The following ATP10B variants were observed in gnomAD, a reference collection of about 807,000 sequenced individuals.
ATP10B encodes phospholipid-transporting ATPase VB.
Under a neutral mutation model 141.2 loss-of-function variants are expected in ATP10B, and 122 were observed. The ratio of observed to expected loss-of-function variants is 0.86; its 90% CI spans 0.75 to 1.00. The LOEUF (loss-of-function observed/expected upper bound fraction) is 1.00. Among genes scored for constraint, ATP10B ranks in the 50% least tolerant of loss-of-function variants. The pLI, the probability that ATP10B is intolerant of heterozygous loss-of-function variation, is 0.00. For synonymous variants in ATP10B, 685 were observed against 692.0 expected (o/e 0.99, Z 0.16); for missense variants, 1,876 against 1,825.3 (o/e 1.03, Z -0.51).
At chr5:160,725,507 G>A (rs1766278262) in intron 2 of ATP10B, among the ~76,000 whole-genome samples, 2 of 151,566 alleles carry the variant, frequency 1.3e-5, no homozygotes, top group African/African-American at 2.4e-5. Flanking sequence ...GTGCAGTGGT[G>A]CGATCTCGGC....
At chr5:160,592,110 G>T (rs1441160957) in intron 22 of ATP10B, among the ~76,000 whole-genome samples, 1 of 152,084 alleles carries the variant, frequency 6.6e-6, no homozygotes, top group Non-Finnish European at 1.5e-5. Context: ...TGGCCTCTCT[G>T]GGCCTCCTAG....
chr5:160,643,600 T>C lies in ATP10B; in HGVS notation c.868+538A>G, dbSNP rs1291070971. Among the ~76,000 whole-genome samples the C allele has an allele frequency of 5.3e-5, 8 of 152,182 alleles. No individual in the cohort carries two copies. In the East Asian group the frequency reaches 7.7e-4, roughly 15 times the overall value. The stretch of plus-strand genomic sequence containing the variant: ...TGGGAAGGAGAGATAGGCCTCCATA[T>C]ATGGAGCCATAAAATAAATAAAGGT... On this transcript the variant is annotated intron_variant, in intron 9 of 25. Coordinates refer to ENST00000327245, the MANE Select transcript of ATP10B (RefSeq NM_025153.3).
intron 25 of ATP10B, among the ~76,000 whole-genome samples, chr5:160,566,593 T>C (rs1262336376): frequency 6.6e-6 from 1 of 152,048 alleles, no homozygotes; most frequent in Admixed American, 6.6e-5. Flanking sequence ...TTTATCCCCC[T>C]GCCAAGCTGC....
intron 1 of ATP10B, among the ~76,000 whole-genome samples, chr5:160,851,628 C>G (rs1004226469): frequency 6.6e-6 from 1 of 151,940 alleles, no homozygotes; most frequent in African/African-American, 2.4e-5. Context: ...TCAGGCTGCA[C>G]TGGATGAATG....
intron 7 of ATP10B, among the ~76,000 whole-genome samples, chr5:160,657,487 C>T (rs1362326415): frequency 1.3e-5 from 2 of 152,146 alleles, no homozygotes; most frequent in African/African-American, 4.8e-5. Flanking sequence ...AGTGATTCTC[C>T]CACAAAAGCA....
At chr5:160,616,833 A>G (rs1007061479) in intron 16 of ATP10B, among the ~76,000 whole-genome samples, 5 of 152,218 alleles carry the variant, frequency 3.3e-5, no homozygotes, top group Non-Finnish European at 1.5e-5. Context: ...ACTTTAATAG[A>G]AAATGGTGGT....
chr5:160,846,343 A>T (rs1472732878), intron 1 of ATP10B, among the ~76,000 whole-genome samples: 1 of 152,192 alleles, frequency 6.6e-6, no homozygotes, highest in African/African-American at 2.4e-5. Context: ...TATACTAGTC[A>T]TTCATAACAG....
the ATP10B span, among the ~76,000 whole-genome samples, chr5:160,913,371 C>T: frequency 6.6e-6 from 1 of 152,084 alleles, no homozygotes; most frequent in Admixed American, 6.5e-5. Flanking sequence ...TTATTTCCTT[C>T]CCTCCTTCAG....
the ATP10B span, among the ~76,000 whole-genome samples, chr5:160,881,274 C>A: frequency 6.6e-6 from 1 of 152,070 alleles, no homozygotes; most frequent in African/African-American, 2.4e-5. Flanking sequence ...TTATCAAAAT[C>A]CATTGAATGA....
intron 13 of ATP10B, among the ~76,000 whole-genome samples, chr5:160,622,854 C>A (rs779315722): frequency 3.3e-5 from 5 of 152,214 alleles, no homozygotes; most frequent in African/African-American, 4.8e-5. Flanking sequence ...TGCTGAGACC[C>A]TCTACCCCTC....
chr5:160,729,364 T>C (rs1766584065), intron 2 of ATP10B, among the ~76,000 whole-genome samples: 1 of 152,220 alleles, frequency 6.6e-6, no homozygotes, highest in South Asian at 2.1e-4. Context: ...TCTGCCTTTC[T>C]TTCTTTTCTC....
the ATP10B span, among the ~76,000 whole-genome samples, chr5:160,890,554 T>C: frequency 8.7e-6 from 1 of 115,224 alleles, no homozygotes; most frequent in African/African-American, 2.8e-5. Context: ...GCTCTTTGTG[T>C]CTGGCTTTCA....
At chr5:160,657,227 C>T (rs559965828) in intron 7 of ATP10B, among the ~76,000 whole-genome samples, 13 of 152,208 alleles carry the variant, frequency 8.5e-5, no homozygotes, top group African/African-American at 2.4e-4. Context: ...ATGTTCTTCA[C>T]GCCCCAGCTG....
At chr5:160,851,463 T>C (rs1753810418) in intron 1 of ATP10B, among the ~76,000 whole-genome samples, 1 of 152,164 alleles carries the variant, frequency 6.6e-6, no homozygotes. Flanking sequence ...CAAAGGAAAG[T>C]CAAGCTTCCC....
At chr5:160,572,274 C>T (rs1561614246) in intron 24 of ATP10B, among the ~76,000 whole-genome samples, 1 of 151,870 alleles carries the variant, frequency 6.6e-6, no homozygotes, top group Non-Finnish European at 1.5e-5. Context: ...GCGCCGTTTC[C>T]TGAAGAAGAA....
In ATP10B at chr5:160,570,218, G is replaced by A. The variant is rs182093634; in HGVS notation, c.3751-535C>T. 5.1e-3 allele frequency among the ~76,000 whole-genome samples: 775 copies of A among 151,092 alleles called. 11 individuals carry two copies. The highest frequency in any genetic ancestry group is 0.018 in the African/African-American group (731 of 41,098). On this transcript the variant is annotated intron_variant, in intron 24 of 25. Transcript: ENST00000327245. Reference sequence around the variant, plus strand: ...TTGATACTAGATGTATATATTTTCAGGGTACATGTAATAATTTGGTATATT... The same window carrying A: ...TTGATACTAGATGTATATATTTTCAAGGTACATGTAATAATTTGGTATATT...
chr5:160,703,521 A>C (rs867566438), intron 3 of ATP10B, among the ~76,000 whole-genome samples: 7 of 151,284 alleles, frequency 4.6e-5, no homozygotes, highest in South Asian at 2.1e-4. Context: ...CTTGTCACTC[A>C]GGCTGGAGTG....
At chr5:160,662,741 G>A (rs1348084121) in intron 7 of ATP10B, among the ~76,000 whole-genome samples, 1 of 152,162 alleles carries the variant, frequency 6.6e-6, no homozygotes, top group African/African-American at 2.4e-5. Context: ...CATGGGCAAG[G>A]ACTTCATGTC....
intron 2 of ATP10B, among the ~76,000 whole-genome samples, chr5:160,729,696 C>G (rs1254219879): frequency 1.3e-5 from 2 of 151,956 alleles, no homozygotes; most frequent in African/African-American, 4.8e-5. Flanking sequence ...AAAGGTCTTT[C>G]CAAGAGGAGA....
Sources: allele counts gnomAD v4.1 joint callset (sites outside exome capture counted in the v4.1 genomes callset), GRCh38; gene constraint gnomAD v4.1.1; transcripts MANE v1.5; gene names NCBI Gene and HGNC (gene_info 2026-07-23, HGNC 2026-07-21).